The following TENM2 variants were observed in gnomAD, a reference collection of about 807,000 sequenced individuals.
TENM2 encodes teneurin transmembrane protein 2, also known as teneurin-2.
In TENM2, 52 loss-of-function variants were observed where a neutral mutation model predicts 245.2. The observed-to-expected ratio is 0.21, with a 90% confidence interval of 0.17 to 0.27. The LOEUF is 0.27. Ranked by LOEUF, TENM2 falls within the 10% of genes least tolerant of loss-of-function variation. TENM2 has a pLI of 1.00. For missense variants in TENM2, 3,046 were observed against 3,666.8 expected (o/e 0.83, Z 4.37); for synonymous variants, 1,363 against 1,438.9 (o/e 0.95, Z 1.19).
At chr5:167,213,427 T>G in the TENM2 span, among the ~76,000 whole-genome samples, 1 of 152,182 alleles carries the variant, frequency 6.6e-6, no homozygotes, top group Non-Finnish European at 1.5e-5. Context: ...AGGGTCTCTT[T>G]TGTAAAGATA....
chr5:167,657,459 C>G (rs1383534347), intron 2 of TENM2, among the ~76,000 whole-genome samples: 1 of 152,154 alleles, frequency 6.6e-6, no homozygotes, highest in Non-Finnish European at 1.5e-5. Flanking sequence ...GTTCAAATGT[C>G]TCTTCCATAC....
intron 2 of TENM2, among the ~76,000 whole-genome samples, chr5:167,437,826 C>T (rs1048872086): frequency 2.0e-5 from 3 of 152,150 alleles, no homozygotes; most frequent in African/African-American, 7.2e-5. Context: ...TAAGACATGC[C>T]TTTCACCTTC....
intron 2 of TENM2, among the ~76,000 whole-genome samples, chr5:167,411,160 A>G (rs946047549): frequency 1.2e-4 from 19 of 152,104 alleles, no homozygotes; most frequent in South Asian, 4.1e-4. Context: ...TGGGTACATT[A>G]TATAAACTCC....
chr5:168,095,909 G>A (rs1793328099), intron 8 of TENM2, among the ~76,000 whole-genome samples: 1 of 152,114 alleles, frequency 6.6e-6, no homozygotes, highest in Non-Finnish European at 1.5e-5. Flanking sequence ...TGTTCCCCAA[G>A]CCCCAGTTCC....
intron 4 of TENM2, among the ~76,000 whole-genome samples, chr5:167,989,098 G>A (rs114462406): frequency 0.014 from 2,132 of 152,230 alleles, 36 homozygotes; most frequent in Non-Finnish European, 0.021. Flanking sequence ...CAGGAGTAAG[G>A]AATATCTACC....
At chr5:167,159,501 G>A in the TENM2 span, among the ~76,000 whole-genome samples, 6 of 152,212 alleles carry the variant, frequency 3.9e-5, no homozygotes, top group African/African-American at 9.6e-5. Flanking sequence ...ATAACCTTGT[G>A]AGGTAATGGA....
intron 27 of TENM2, among the ~76,000 whole-genome samples, chr5:168,257,212 A>G (rs1426959937): frequency 6.6e-6 from 1 of 152,020 alleles, no homozygotes; most frequent in African/African-American, 2.4e-5. Context: ...AGCATGTTAG[A>G]AGAATGTGAC....
intron 5 of TENM2, among the ~76,000 whole-genome samples, chr5:168,029,722 T>C (rs1786942917): frequency 6.6e-6 from 1 of 152,216 alleles, no homozygotes; most frequent in African/African-American, 2.4e-5. Context: ...TCTGAAAATA[T>C]CTGTCATCCT....
intron 2 of TENM2, among the ~76,000 whole-genome samples, chr5:167,704,949 C>G (rs766283730): frequency 8.5e-5 from 13 of 152,100 alleles, no homozygotes; most frequent in Non-Finnish European, 1.8e-4. Flanking sequence ...TGTATTGATT[C>G]TTTATTTCTT....
intron 27 of TENM2, among the ~76,000 whole-genome samples, chr5:168,254,049 G>A (rs1283561342): frequency 1.3e-5 from 2 of 152,248 alleles, no homozygotes; most frequent in Non-Finnish European, 2.9e-5. Context: ...CCTAAGTGAG[G>A]AGGAAGACAC....
intron 5 of TENM2, among the ~76,000 whole-genome samples, chr5:168,046,595 C>T (rs1304157026): frequency 6.6e-6 from 1 of 152,066 alleles, no homozygotes; most frequent in Non-Finnish European, 1.5e-5. Context: ...CAAGGAAGAC[C>T]AGAAGTTTGT....
At chr5:167,583,916 AC>A (rs1561574369) in intron 2 of TENM2, among the ~76,000 whole-genome samples, 1 of 152,144 alleles carries the variant, frequency 6.6e-6, no homozygotes, top group Non-Finnish European at 1.5e-5. Context: ...CTGGCTAAAT[AC>A]TATTCATCTT....
intron 2 of TENM2, among the ~76,000 whole-genome samples, chr5:167,485,769 G>A (rs1013357880): frequency 1.3e-5 from 2 of 152,024 alleles, no homozygotes; most frequent in African/African-American, 4.8e-5. Context: ...GATGGCAGAG[G>A]GTTCACATTT....
At chr5:167,596,613 G>A (rs890943557) in intron 2 of TENM2, among the ~76,000 whole-genome samples, 4 of 152,074 alleles carry the variant, frequency 2.6e-5, no homozygotes, top group African/African-American at 9.7e-5. Flanking sequence ...CTAACGTGGT[G>A]AAACACCCCC....
upstream of TENM2, chr5:167,284,790 C>G (rs1469283334): frequency 6.8e-7 from 1 of 1,460,716 alleles, no homozygotes; most frequent in Non-Finnish European, 9.4e-7. Context: ...TGCCAAAACT[C>G]AGGCCTGACT....
intron 2 of TENM2, among the ~76,000 whole-genome samples, chr5:167,590,212 T>C (rs1344211153): frequency 6.6e-6 from 1 of 152,040 alleles, no homozygotes; most frequent in Non-Finnish European, 1.5e-5. Context: ...TTGTTTTTCA[T>C]ATGAAAATCA....
chr5:167,412,279 C>T (rs948774465), intron 2 of TENM2, among the ~76,000 whole-genome samples: 1 of 150,646 alleles, frequency 6.6e-6, no homozygotes, highest in Non-Finnish European at 1.5e-5. Flanking sequence ...GTCCCAGGAG[C>T]AGCAGCATTA....
chr5:167,360,383 C>T (rs773242924), intron 1 of TENM2, among the ~76,000 whole-genome samples: 16 of 152,072 alleles, frequency 1.1e-4, no homozygotes, highest in Non-Finnish European at 1.9e-4. Context: ...ATTTAGTAAG[C>T]ACCAATAATA....
chr5:168,161,192 G>C (rs148293657), intron 12 of TENM2, among the ~76,000 whole-genome samples: 2 of 152,126 alleles, frequency 1.3e-5, no homozygotes, highest in East Asian at 3.8e-4. Context: ...GGCCAGGAAG[G>C]TTTCAAATCA....
Sources: gnomAD v4.1 joint callset for allele counts (sites outside exome capture counted in the v4.1 genomes callset) on GRCh38, gnomAD v4.1.1 for gene constraint, MANE v1.5 for transcripts, NCBI Gene and HGNC (gene_info 2026-07-23, HGNC 2026-07-21) for gene names.